The following ITIH5 variants were observed in gnomAD, a reference collection of about 807,000 sequenced individuals.
ITIH5 encodes the protein inter-alpha-trypsin inhibitor heavy chain 5, also known as inter-alpha-trypsin inhibitor heavy chain H5.
ITIH5 carries 65 observed loss-of-function variants against 77.5 expected under a neutral mutation model. The observed-to-expected ratio is 0.84, with a 90% CI of 0.69 to 1.03. The LOEUF is 1.03. ITIH5 is among the 50% of genes least tolerant of loss of function. The probability of loss-of-function intolerance (pLI) is 0.00; values close to 1 mark genes in which losing one functional copy is unlikely to be tolerated. For synonymous variants in ITIH5, 525 were observed against 494.3 expected, an observed-to-expected ratio of 1.06 and a Z score of -0.82; for missense variants, 1,208 against 1,213.1, an observed-to-expected ratio of 1.00 and a Z score of 0.06.
rs115445765 is a variant in ITIH5 at position 7,634,585 on chromosome 10, G to A, written c.652+2643C>T. On this transcript the variant is annotated intron_variant, in intron 5 of 13. Coordinates refer to ENST00000397146, the MANE Select transcript of ITIH5 (RefSeq NM_030569.7). The stretch of plus-strand genomic sequence containing the variant: ...TTCCTCTGAGACACTAACAGGCCCC[G>A]AATATAAACAGTAAGCAACTTTTTT... 2.1e-3 allele frequency among the ~76,000 whole-genome samples: 317 copies of A among 152,196 alleles called. 1 individual carries two copies. The highest frequency in any genetic ancestry group is 7.4e-3 in the African/African-American group (306 of 41,526).
At chr10:7,600,692 A>G in intron 7 of ITIH5, 1 of 408,954 alleles carries the variant, frequency 2.4e-6, no homozygotes, top group Admixed American at 2.8e-5. Context: ...GTCCCCCTAA[A>G]TTCAAAGGTT....
intron 7 of ITIH5, among the ~76,000 whole-genome samples, chr10:7,592,240 A>T (rs1832806850): frequency 6.6e-6 from 1 of 152,116 alleles, no homozygotes; most frequent in African/African-American, 2.4e-5. Context: ...CACATAGGAG[A>T]TGCTTGACAA....
At chr10:7,600,312 C>T (rs1472517161) in intron 7 of ITIH5, among the ~76,000 whole-genome samples, 1 of 152,180 alleles carries the variant, frequency 6.6e-6, no homozygotes, top group Non-Finnish European at 1.5e-5. Flanking sequence ...TTAATCTGAC[C>T]TCTGAAACCC....
chr10:7,609,196 T>G (rs551025293), intron 7 of ITIH5, among the ~76,000 whole-genome samples: 4 of 152,300 alleles, frequency 2.6e-5, no homozygotes, highest in Admixed American at 1.3e-4. Context: ...GGCTGAAAGA[T>G]TAAATGAAGA....
At chr10:7,640,073 G>A (rs1833857826) in intron 4 of ITIH5, among the ~76,000 whole-genome samples, 1 of 136,712 alleles carries the variant, frequency 7.3e-6, no homozygotes, top group Non-Finnish European at 1.5e-5. Flanking sequence ...AGAGTCAACA[G>A]ATAATGTCTT....
intron 10 of ITIH5, 34 bp downstream of exon 10, chr10:7,576,419 T>A: frequency 6.7e-7 from 1 of 1,492,308 alleles, no homozygotes; most frequent in Non-Finnish European, 8.9e-7. Flanking sequence ...CAGGCCCGCG[T>A]CCCCCACACC....
At chr10:7,587,596 T>C (rs1262554058) in intron 7 of ITIH5, among the ~76,000 whole-genome samples, 2 of 152,238 alleles carry the variant, frequency 1.3e-5, no homozygotes, top group South Asian at 2.1e-4. Flanking sequence ...ATCCATAAAA[T>C]CAGGACAGTA....
At chr10:7,579,024 G>T (rs940127615) in intron 9 of ITIH5, among the ~76,000 whole-genome samples, 1 of 152,216 alleles carries the variant, frequency 6.6e-6, no homozygotes, top group Non-Finnish European at 1.5e-5. Flanking sequence ...CTTGCTCACA[G>T]GGTAGAATAA....
In ITIH5 at chr10:7,561,031, C is replaced by G. The variant is rs1461750144; in HGVS notation, c.*2052G>C. On this transcript the variant is annotated 3_prime_UTR_variant, in exon 14 of 14. Coordinates refer to ENST00000397146, the MANE Select transcript of ITIH5 (RefSeq NM_030569.7). ...GTATGGGGTTTCGGGCTTTCAGGTA[C>G]TGACCCCATTTGAAAAAAAAAAAAA... The G allele has an allele frequency of 1.8e-5, 1 of 54,484 alleles. No homozygotes were observed. Among genetic ancestry groups the G allele is most frequent in the Non-Finnish European group, 3.4e-5 (1 of 29,406 alleles). The allele number at this position is 54,484 out of a possible 1,614,324, so 3.4% of individuals were successfully genotyped here.
intron 8 of ITIH5, among the ~76,000 whole-genome samples, chr10:7,584,060 C>T (rs980986167): frequency 2.6e-5 from 4 of 152,182 alleles, no homozygotes; most frequent in Non-Finnish European, 4.4e-5. Context: ...TATCTTCATT[C>T]TACAGATGAG....
At chr10:7,630,333 A>G (rs1449189684) in intron 5 of ITIH5, among the ~76,000 whole-genome samples, 3 of 152,240 alleles carry the variant, frequency 2.0e-5, no homozygotes, top group Non-Finnish European at 4.4e-5. Context: ...TTCTTGACTT[A>G]CATTGGTAAA....
intron 7 of ITIH5, among the ~76,000 whole-genome samples, chr10:7,607,644 T>C (rs1833151013): frequency 6.6e-6 from 1 of 152,100 alleles, no homozygotes; most frequent in Non-Finnish European, 1.5e-5. Flanking sequence ...TGAAACCCCA[T>C]CTCTACTAAA....
rs1832008418 is a variant in ITIH5 at position 7,559,857 on chromosome 10, GTTTTGTTTTT to G, written c.*3216_*3225del. ...CTCTCCCATGTCTTTTTTTTGTTTTGTTTTGTTTTTTTTTGACGGAGTTTGGCTCTGTCAC... is the reference window on the plus strand; with the variant it reads ...CTCTCCCATGTCTTTTTTTTGTTTTGTTTTGACGGAGTTTGGCTCTGTCAC... On this transcript the variant is annotated 3_prime_UTR_variant, in exon 14 of 14. Coordinates refer to ENST00000397146, the MANE Select transcript of ITIH5 (RefSeq NM_030569.7). The G allele has an allele frequency of 2.2e-6, 1 of 450,968 alleles. No individual in the cohort carries two copies. Among genetic ancestry groups the G allele is most frequent in the African/African-American group, 2.1e-5 (1 of 48,206 alleles). The allele number at this position is 450,968 out of a possible 1,614,324, so 27.9% of individuals were successfully genotyped here. A position where few individuals can be genotyped will look rare whatever the true frequency, so the allele number is the denominator to read the frequency against.
At chr10:7,569,613 G>A in intron 12 of ITIH5, 55 bp downstream of exon 12, 1 of 1,093,412 alleles carries the variant, frequency 9.1e-7, no homozygotes. Context: ...AACAGAGGGG[G>A]ATGCAGTACC....
At chr10:7,655,715 A>T (rs1834171517) in intron 1 of ITIH5, 40 bp from the exon 2 acceptor site, 3 of 1,465,618 alleles carry the variant, frequency 2.0e-6, no homozygotes, top group Admixed American at 1.7e-5. Flanking sequence ...TGATTTTTAA[A>T]AGAGAAGAGA....
chr10:7,622,940 GTACTT>G (rs1021700030), intron 5 of ITIH5, among the ~76,000 whole-genome samples: 4 of 152,198 alleles, frequency 2.6e-5, no homozygotes, highest in African/African-American at 4.8e-5. Context: ...TAATGACAAA[GTACTT>G]TATAGCTTGT....
rs373462474 is a variant in ITIH5, at chr10:7,576,511, C to T, written c.1920G>A (p.Ser640=). 14 of 1,611,234 alleles carry T rather than the reference C, an allele frequency of 8.7e-6. No homozygotes were observed. In the African/African-American group the frequency reaches 1.6e-4, roughly 18 times the overall value. The change falls in exon 10 of 14, where the codon TCG becomes TCA. Residue 640 remains serine, a synonymous_variant. Transcript: ENST00000397146. The stretch of plus-strand genomic sequence containing the variant: ...CCACCGGTTCGGGTCCCATGGCAGC[C>T]GACATGCCGTGGGCCTCCTCCAGGC... ...MDGLEEAHGM[S]AAMGPEPVVQ...
At chr10:7,572,176 ACAGCT>A (rs1372954429) in intron 11 of ITIH5, 15 of 1,195,720 alleles carry the variant, frequency 1.3e-5, no homozygotes, top group Non-Finnish European at 1.6e-5. Flanking sequence ...CTCTATATCC[ACAGCT>A]CATCTCCGGG....
chr10:7,617,588 T>G, intron 5 of ITIH5: 1 of 192,232 alleles, frequency 5.2e-6, no homozygotes, highest in East Asian at 1.2e-4. Flanking sequence ...TTACCAACCT[T>G]TTGTATGTTT....
Sources: gnomAD v4.1 joint callset for allele counts (sites outside exome capture counted in the v4.1 genomes callset) on GRCh38, gnomAD v4.1.1 for gene constraint, MANE v1.5 for transcripts, NCBI Gene and HGNC (gene_info 2026-07-23, HGNC 2026-07-21) for gene names.